TMEM179B: variants seen among roughly 807,000 people sequenced by gnomAD.
The protein encoded by TMEM179B is transmembrane protein 179B.
Under a neutral mutation model 18.0 loss-of-function variants are expected in TMEM179B, and 13 were observed. The ratio of observed to expected loss-of-function variants is 0.72; its 90% CI spans 0.47 to 1.15. The LOEUF is 1.15. TMEM179B is among the 50% of genes most tolerant of loss of function. TMEM179B has a pLI of 0.00. For synonymous variants in TMEM179B, 159 were observed against 117.5 expected (o/e 1.35, Z -2.29); for missense variants, 320 against 270.6 (o/e 1.18, Z -1.28).
rs374520032 is a variant in TMEM179B, at chr11:62,789,117, A to G, written c.191A>G (p.Tyr64Cys). The change falls in exon 2 of 5, where the codon TAC (tyrosine) becomes TGC (cysteine). Residue 64 changes from tyrosine (Y) to cysteine (C), a missense_variant. Coordinates refer to ENST00000333449, the MANE Select transcript of TMEM179B (RefSeq NM_199337.3). ...LSRPSAPSLC[Y>C]FVAGASGLLA... ...CGTCCCTCAGCACCATCCCTGTGCTACTTTGTAGCTGGGGCCTCTGGCCTC... is the reference window on the plus strand; with the variant it reads ...CGTCCCTCAGCACCATCCCTGTGCTGCTTTGTAGCTGGGGCCTCTGGCCTC... The G allele has an allele frequency of 6.2e-7, 1 of 1,614,084 alleles. No homozygotes were observed. The highest frequency in any genetic ancestry group is 8.5e-7 in the Non-Finnish European group (1 of 1,180,006).
Position 62,789,330 on chromosome 11 carries a change from C to G in TMEM179B, c.323C>G (p.Ala108Gly), listed in dbSNP as rs1203646081. The change falls in exon 3 of 5, where the codon GCT becomes GGT. Residue 108 changes from alanine (A) to glycine (G), a missense_variant. Physicochemically the swap from Ala to Gly is moderately conservative, Grantham distance 60 (BLOSUM62 0). Transcript: ENST00000333449. The stretch of plus-strand genomic sequence containing the variant: ...CTGCGCATTGCACTGGCCATCTCAG[C>G]TATAGCCGTCTTCCTGGTCTTGGTG... Reference protein sequence around the residue: ...IGLRIALAISAIAVFLVLVSA... With the variant: ...IGLRIALAISGIAVFLVLVSA... The G allele has an allele frequency of 6.2e-7, 1 of 1,614,032 alleles. No individual in the cohort carries two copies. Among genetic ancestry groups the G allele is most frequent in the South Asian group, 1.1e-5 (1 of 91,060 alleles).
In TMEM179B at chr11:62,787,538, G is replaced by C; in HGVS notation, c.96+11G>C. 1 of 1,551,836 alleles carries C rather than the reference G, an allele frequency of 6.4e-7. No homozygotes were observed. The highest frequency in any genetic ancestry group is 8.6e-7 in the Non-Finnish European group (1 of 1,158,220). On this transcript the variant is annotated intron_variant, in intron 1 of 4. Coordinates refer to ENST00000333449, the MANE Select transcript of TMEM179B (RefSeq NM_199337.3). ...ATGACTCGGACCCAGGTGCGGCTGCGGGGCGGGGTCAGGTAGGCGGGGGAG... is the reference window on the plus strand; with the variant it reads ...ATGACTCGGACCCAGGTGCGGCTGCCGGGCGGGGTCAGGTAGGCGGGGGAG...
rs1439177278 is a variant in TMEM179B at position 62,789,364 on chromosome 11, T to C, written c.357T>C (p.Cys119=). Residue 119 remains cysteine (C), a synonymous_variant, in exon 3 of 5, where the codon TGT becomes TGC. Transcript: ENST00000333449. ...TCTTCCTGGTCTTGGTGTCTGCCTG[T>C]ATCCTTCGATTTGGCACCAGGTCTC... The part of the protein sequence containing the change: ...IAVFLVLVSA[C]ILRFGTRSLC... The C allele has an allele frequency of 1.2e-6, 2 of 1,614,016 alleles. No homozygotes were observed. Among genetic ancestry groups the C allele is most frequent in the African/African-American group, 1.3e-5 (1 of 75,030 alleles).
At position 62,789,196 on chromosome 11, in the gene TMEM179B, C is replaced by A; in HGVS notation, c.270C>A (p.Ile90=). The A allele has an allele frequency of 6.2e-7, 1 of 1,614,148 alleles. No homozygotes were observed. The highest frequency in any genetic ancestry group is 8.5e-7 in the Non-Finnish European group (1 of 1,179,996). Residue 90 remains isoleucine, a synonymous_variant, in exon 2 of 5, where the codon ATC becomes ATA. Transcript: ENST00000333449. ...TCTTCTGGATCTACAGCAGCTGCATCGAGGACTCCCACAGGTGACTGCCTA... is the reference window on the plus strand; with the variant it reads ...TCTTCTGGATCTACAGCAGCTGCATAGAGGACTCCCACAGGTGACTGCCTA... The part of the protein sequence containing the change: ...LLLFWIYSSC[I]EDSHRGAIGL...
chr11:62,788,931 G>A, intron 1 of TMEM179B, 92 bp from the exon 2 acceptor site: 4 of 1,358,388 alleles, frequency 2.9e-6, no homozygotes, highest in Non-Finnish European at 4.0e-6. Flanking sequence ...TGGAATGCAG[G>A]ACCATTCCTA....
intron 1 of TMEM179B, among the ~76,000 whole-genome samples, chr11:62,788,529 C>T (rs1449912414): frequency 6.6e-6 from 1 of 151,898 alleles, no homozygotes; most frequent in African/African-American, 2.4e-5. Context: ...ACGGTGAAAC[C>T]CTGTCTCTAC....
At position 62,790,197 on chromosome 11, in the gene TMEM179B, T is replaced by C; in HGVS notation, c.*150T>C. On this transcript the variant is annotated 3_prime_UTR_variant, in exon 5 of 5. Transcript: ENST00000333449. ...ATAATGACAGGCCCCCCTCCACCTC[T>C]TCCTGCAGCTGTTTTTGTACCAAAA... 1 of 834,756 alleles carries C rather than the reference T, an allele frequency of 1.2e-6. No individual in the cohort carries two copies. The highest frequency in any genetic ancestry group is 1.8e-6 in the Non-Finnish European group (1 of 560,862). 51.7% of individuals were successfully genotyped at this position (834,756 alleles called of 1,614,324 possible).
chr11:62,789,081 T>C lies in TMEM179B; in HGVS notation c.155T>C (p.Leu52Pro), dbSNP rs745644716. ...YGVATLNGSS[L>P]ALSRPSAPSL... ...GTGGCCACCCTGAATGGCTCCTCCC[T>C]GGCCTTATCCCGTCCCTCAGCACCA... The change falls in exon 2 of 5, where the codon CTG (leucine) becomes CCG (proline). Residue 52 changes from leucine to proline, a missense_variant. By Grantham distance (98) the Leu-to-Pro change is moderately conservative. Coordinates refer to ENST00000333449, the MANE Select transcript of TMEM179B (RefSeq NM_199337.3). The C allele has an allele frequency of 6.2e-6, 10 of 1,614,224 alleles. No individual in the cohort carries two copies. In the Admixed American group the frequency reaches 1.5e-4, roughly 24 times the overall value.
At chr11:62,789,262 CCA>C in intron 2 of TMEM179B, 28 bp from the exon 3 acceptor site, 2 of 1,614,040 alleles carry the variant, frequency 1.2e-6, no homozygotes, top group Non-Finnish European at 1.7e-6. Context: ...AGCCTCACCT[CCA>C]CCACAAGGCT....
Position 62,789,165 on chromosome 11 carries a change from T to G in TMEM179B, c.239T>G (p.Leu80Arg), listed in dbSNP as rs551447719. ...CTCTTGGCCCTCTACTGCCTCCTGCTTTTGCTCTTCTGGATCTACAGCAGC... is the reference window on the plus strand; with the variant it reads ...CTCTTGGCCCTCTACTGCCTCCTGCGTTTGCTCTTCTGGATCTACAGCAGC... ...SGLLALYCLL[L>R]LLFWIYSSCI... The change falls in exon 2 of 5, where the codon CTT becomes CGT. Residue 80 changes from leucine (L) to arginine (R), a missense_variant. By Grantham distance (102) the Leu-to-Arg change is moderately radical. Transcript: ENST00000333449. 1 of 1,614,170 alleles carries G rather than the reference T, an allele frequency of 6.2e-7. No individual in the cohort carries two copies. The highest frequency in any genetic ancestry group is 2.2e-5 in the East Asian group (1 of 44,884).
At position 62,789,978 on chromosome 11, in the gene TMEM179B, G is replaced by A; in HGVS notation, c.591G>A (p.Leu197=). 1 of 1,614,164 alleles carries A rather than the reference G, an allele frequency of 6.2e-7. No homozygotes were observed. The highest frequency in any genetic ancestry group is 8.5e-7 in the Non-Finnish European group (1 of 1,180,022). The change falls in exon 5 of 5, where the codon CTG becomes CTA. Residue 197 remains leucine, a synonymous_variant. Coordinates refer to ENST00000333449, the MANE Select transcript of TMEM179B (RefSeq NM_199337.3). ...CTGAAGCCACCCCATACCGGCCTCT[G>A]GAGAGGGGTGACCCTGAGTGGAGCT... is the stretch of plus-strand genomic sequence containing the variant. ...WKSEATPYRP[L]ERGDPEWSSE... is the part of the protein sequence containing the mutation.
rs762081688 is a variant in TMEM179B at position 62,789,038 on chromosome 11, A to C, written c.112A>C (p.Arg38=). 1.9e-6 allele frequency: 3 copies of C among 1,612,768 alleles called. No individual in the cohort carries two copies. The highest frequency in any genetic ancestry group is 1.7e-6 in the Non-Finnish European group (2 of 1,178,982). ...CTCTCCACAGGGCTCCTTCAGTGGT[A>C]GATGTCCCCTGTATGGTGTGGCCAC... The part of the protein sequence containing the change: ...MTRTQGSFSG[R]CPLYGVATLN... Residue 38 remains arginine (R), a synonymous_variant, in exon 2 of 5, where the codon AGA becomes CGA. Coordinates refer to ENST00000333449, the MANE Select transcript of TMEM179B (RefSeq NM_199337.3).
chr11:62,788,220 T>C lies in TMEM179B; in HGVS notation c.96+693T>C, dbSNP rs78389153. Reference sequence around the variant, plus strand: ...GAGTTCGAGACCAGCCTGGCCAACATGGCAAAACTCTGTCTCTACTAAAAA... The same window carrying C: ...GAGTTCGAGACCAGCCTGGCCAACACGGCAAAACTCTGTCTCTACTAAAAA... On this transcript the variant is annotated intron_variant, in intron 1 of 4. Coordinates refer to ENST00000333449, the MANE Select transcript of TMEM179B (RefSeq NM_199337.3). 5.3e-3 allele frequency among the ~76,000 whole-genome samples: 782 copies of C among 147,606 alleles called. 43 individuals carry two copies. In the East Asian group the frequency reaches 0.13, roughly 24 times the overall value.
Position 62,789,173 on chromosome 11 carries a change from T to C in TMEM179B, c.247T>C (p.Phe83Leu), listed in dbSNP as rs776791892. The change falls in exon 2 of 5, where the codon TTC becomes CTC. Residue 83 changes from phenylalanine (F) to leucine (L), a missense_variant. By Grantham distance (22) the Phe-to-Leu change is conservative. Transcript: ENST00000333449. The stretch of plus-strand genomic sequence containing the variant: ...CCTCTACTGCCTCCTGCTTTTGCTC[T>C]TCTGGATCTACAGCAGCTGCATCGA... ...LALYCLLLLL[F>L]WIYSSCIEDS... The C allele has an allele frequency of 2.0e-5, 32 of 1,614,080 alleles. No individual in the cohort carries two copies. The highest frequency in any genetic ancestry group is 2.7e-5 in the Non-Finnish European group (32 of 1,180,046).
rs556313837 is a variant in TMEM179B, at chr11:62,790,217, C to G, written c.*170C>G. On this transcript the variant is annotated 3_prime_UTR_variant, in exon 5 of 5. Coordinates refer to ENST00000333449, the MANE Select transcript of TMEM179B (RefSeq NM_199337.3). ...ACCTCTTCCTGCAGCTGTTTTTGTA[C>G]CAAAATATTATATTACTGTCTTCAT... is the stretch of plus-strand genomic sequence containing the variant. 2 of 718,720 alleles carry G rather than the reference C, an allele frequency of 2.8e-6. No individual in the cohort carries two copies. Among genetic ancestry groups the G allele is most frequent in the Admixed American group, 6.7e-5 (2 of 30,028 alleles). The allele number at this position is 718,720 out of a possible 1,614,324, so 44.5% of individuals were successfully genotyped here.
chr11:62,789,440 G>T lies in TMEM179B; in HGVS notation c.419+14G>T. On this transcript the variant is annotated intron_variant, in intron 3 of 4. Transcript: ENST00000333449. ...CACTACAATTAGGTAATGGGAGAGG[G>T]AGGGAAGCCTGGCTGGGGCTGACTA... 1 of 1,613,680 alleles carries T rather than the reference G, an allele frequency of 6.2e-7. No individual in the cohort carries two copies. Among genetic ancestry groups the T allele is most frequent in the Middle Eastern group, 1.6e-4 (1 of 6,062 alleles).
rs899850122 is a variant in TMEM179B, at chr11:62,790,108, C to A, written c.*61C>A. ...CATGCCCAAGTGCCTGTAATCCCCCCCCTCAAGGCCCTGTTTATGTTGGGA... is the reference window on the plus strand; with the variant it reads ...CATGCCCAAGTGCCTGTAATCCCCCACCTCAAGGCCCTGTTTATGTTGGGA... On this transcript the variant is annotated 3_prime_UTR_variant, in exon 5 of 5. Transcript: ENST00000333449. 2.4e-5 allele frequency: 36 copies of A among 1,490,926 alleles called. No homozygotes were observed. The highest frequency in any genetic ancestry group is 9.6e-5 in the Admixed American group (4 of 41,544). The allele number at this position is 1,490,926 out of a possible 1,614,324, so 92.4% of individuals were successfully genotyped here. A position where few individuals can be genotyped will look rare whatever the true frequency, so the allele number is the denominator to read the frequency against.
intron 3 of TMEM179B, 33 bp from the exon 4 acceptor site, chr11:62,789,568 C>CT: frequency 6.5e-7 from 1 of 1,549,670 alleles, no homozygotes. Context: ...TAAACTATCA[C>CT]GCTTTCTCAC....
intron 1 of TMEM179B, 67 bp downstream of exon 1, chr11:62,787,594 T>C (rs2084302147): frequency 1.4e-6 from 2 of 1,441,808 alleles, no homozygotes; most frequent in South Asian, 1.4e-5. Context: ...GAGGCCACTT[T>C]CGCTTTCCGA....
Sources: gnomAD v4.1 joint callset for allele counts (sites outside exome capture counted in the v4.1 genomes callset) on GRCh38, gnomAD v4.1.1 for gene constraint, MANE v1.5 for transcripts, NCBI Gene and HGNC (gene_info 2026-07-23, HGNC 2026-07-21) for gene names.